EXT1: variants seen among roughly 807,000 people sequenced by gnomAD.
The protein encoded by EXT1 is exostosin-1.
EXT1 carries 20 observed loss-of-function variants against 82.5 expected under a neutral mutation model. The ratio of observed to expected loss-of-function variants is 0.24; its 90% CI spans 0.17 to 0.35. EXT1 has a LOEUF of 0.35. Among genes scored for constraint, EXT1 ranks in the 10% least tolerant of loss-of-function variants. EXT1 has a pLI of 1.00. For synonymous variants in EXT1, 348 were observed against 350.8 expected (o/e 0.99, Z 0.09); for missense variants, 757 against 936.5 (o/e 0.81, Z 2.50).
At chr8:117,950,927 T>C (rs1465271782) in intron 1 of EXT1, among the ~76,000 whole-genome samples, 2 of 152,246 alleles carry the variant, frequency 1.3e-5, no homozygotes, top group South Asian at 4.1e-4. Context: ...TTTTAAAAGT[T>C]GTAAGTTTCT....
chr8:117,995,846 T>A (rs1430581571), intron 1 of EXT1, among the ~76,000 whole-genome samples: 1 of 152,178 alleles, frequency 6.6e-6, no homozygotes, highest in Non-Finnish European at 1.5e-5. Flanking sequence ...ATGAGCTTCA[T>A]TATCATCAAC....
At chr8:118,040,620 A>T (rs1816511571) in intron 1 of EXT1, among the ~76,000 whole-genome samples, 1 of 152,158 alleles carries the variant, frequency 6.6e-6, no homozygotes, top group Non-Finnish European at 1.5e-5. Context: ...ACACCATCCA[A>T]AGGTCATCTC....
At chr8:117,972,075 G>A (rs2129743396) in intron 1 of EXT1, among the ~76,000 whole-genome samples, 2 of 151,966 alleles carry the variant, frequency 1.3e-5, no homozygotes, top group Admixed American at 1.3e-4. Flanking sequence ...GCTTGAACCT[G>A]GGAGGCTGAG....
At chr8:117,820,475 G>A (rs1035005843) in intron 5 of EXT1, among the ~76,000 whole-genome samples, 21 of 152,152 alleles carry the variant, frequency 1.4e-4, no homozygotes, top group African/African-American at 5.1e-4. Context: ...GATCACTTGA[G>A]ACCAGCAGTT....
chr8:118,054,525 C>T (rs1157861439), intron 1 of EXT1, among the ~76,000 whole-genome samples: 1 of 152,230 alleles, frequency 6.6e-6, no homozygotes, highest in Non-Finnish European at 1.5e-5. Flanking sequence ...CTACCATGTG[C>T]CCCACACTTT....
At chr8:118,042,864 A>T (rs1336993966) in intron 1 of EXT1, among the ~76,000 whole-genome samples, 3 of 152,192 alleles carry the variant, frequency 2.0e-5, no homozygotes, top group African/African-American at 7.2e-5. Flanking sequence ...TTTTATGTTC[A>T]TTCTGTCATT....
chr8:117,845,421 T>C (rs1002685470), intron 1 of EXT1, among the ~76,000 whole-genome samples: 25 of 152,166 alleles, frequency 1.6e-4, no homozygotes, highest in African/African-American at 5.8e-4. Flanking sequence ...TTAGCCCAAG[T>C]GGTAATTGCT....
intron 1 of EXT1, among the ~76,000 whole-genome samples, chr8:117,849,449 T>C (rs1812418807): frequency 6.6e-6 from 1 of 152,184 alleles, no homozygotes; most frequent in South Asian, 2.1e-4. Context: ...CTCACCCCAT[T>C]CCTCATGGGT....
In EXT1 at chr8:117,908,803, T is replaced by C. The variant is rs140777685; in HGVS notation, c.963-71602A>G. On this transcript the variant is annotated intron_variant, in intron 1 of 10. Transcript: ENST00000378204. ...AAAGAGGAGCAGGTGGCTTCTTGCA[T>C]TCAAAGTGGAACAAACTTGAGGCTT... Among the ~76,000 whole-genome samples, 637 of 152,264 alleles carry C rather than the reference T, an allele frequency of 4.2e-3. 4 individuals are homozygous for C. The highest frequency in any genetic ancestry group is 0.012 in the African/African-American group (482 of 41,558).
chr8:117,896,183 T>C (rs1478132570), intron 1 of EXT1, among the ~76,000 whole-genome samples: 1 of 152,238 alleles, frequency 6.6e-6, no homozygotes, highest in Non-Finnish European at 1.5e-5. Context: ...TGTCTATGGA[T>C]GTGTGTGCAT....
intron 1 of EXT1, among the ~76,000 whole-genome samples, chr8:117,920,985 G>A (rs1586285827): frequency 1.3e-5 from 2 of 152,154 alleles, no homozygotes; most frequent in South Asian, 4.1e-4. Flanking sequence ...TGTACATTTG[G>A]AACAAGTTTG....
chr8:117,865,904 T>C (rs114803064), intron 1 of EXT1, among the ~76,000 whole-genome samples: 470 of 152,324 alleles, frequency 3.1e-3, no homozygotes, highest in Middle Eastern at 0.017. Context: ...TCATGGAGGC[T>C]TGTCTTTCTT....
At chr8:118,094,359 A>G (rs545662018) in intron 1 of EXT1, among the ~76,000 whole-genome samples, 91 of 152,378 alleles carry the variant, frequency 6.0e-4, no homozygotes, top group Middle Eastern at 3.4e-3. Flanking sequence ...CCAAACCACC[A>G]GGAGCTTCTA....
chr8:117,886,584 G>C (rs1813151002), intron 1 of EXT1, among the ~76,000 whole-genome samples: 1 of 152,188 alleles, frequency 6.6e-6, no homozygotes, highest in African/African-American at 2.4e-5. Context: ...TCTCCTGCAA[G>C]TTGGCTAAGC....
chr8:117,972,783 A>G (rs1284072265), intron 1 of EXT1, among the ~76,000 whole-genome samples: 2 of 152,168 alleles, frequency 1.3e-5, no homozygotes, highest in African/African-American at 2.4e-5. Flanking sequence ...GGTGGTAAGA[A>G]GTGCAGAGTG....
At chr8:118,030,240 G>GAAAA (rs111388229) in intron 1 of EXT1, among the ~76,000 whole-genome samples, 3,280 of 122,438 alleles carry the variant, frequency 0.027, 101 homozygotes, top group African/African-American at 0.093. Flanking sequence ...CCCATACTTA[G>GAAAA]AAAAAAAAAA....
At chr8:117,919,440 T>C (rs575534831) in intron 1 of EXT1, among the ~76,000 whole-genome samples, 6 of 152,116 alleles carry the variant, frequency 3.9e-5, no homozygotes, top group Admixed American at 3.3e-4. Context: ...TCCTCCCACC[T>C]TGACCTCCCA....
chr8:117,858,777 G>T lies in EXT1; in HGVS notation c.963-21576C>A. Among the ~76,000 whole-genome samples the T allele has an allele frequency of 1.5e-5, 2 of 131,016 alleles. 1 individual carries two copies. Among genetic ancestry groups the T allele is most frequent in the Non-Finnish European group, 3.1e-5 (2 of 64,422 alleles). 86.0% of individuals were successfully genotyped at this position (131,016 alleles called of 152,430 possible). A position where few individuals can be genotyped will look rare whatever the true frequency, so the allele number is the denominator to read the frequency against. ...GGAAGGAAGGAAGGAAGGCAGGCAG[G>T]CAGGCAGGCAGGCAAGGCAAGGCAA... On this transcript the variant is annotated intron_variant, in intron 1 of 10. Coordinates refer to ENST00000378204, the MANE Select transcript of EXT1 (RefSeq NM_000127.3).
chr8:117,966,121 A>G (rs1353887806), intron 1 of EXT1, among the ~76,000 whole-genome samples: 1 of 152,206 alleles, frequency 6.6e-6, no homozygotes, highest in Non-Finnish European at 1.5e-5. Flanking sequence ...AAGTAAAAAT[A>G]TAATAATCCA....
Sources: gnomAD v4.1 joint callset for allele counts (sites outside exome capture counted in the v4.1 genomes callset) on GRCh38, gnomAD v4.1.1 for gene constraint, MANE v1.5 for transcripts, NCBI Gene and HGNC (gene_info 2026-07-23, HGNC 2026-07-21) for gene names.